The following HS1BP3 variants were observed in gnomAD, a reference collection of about 807,000 sequenced individuals.
HS1BP3 encodes HCLS1 binding protein 3.
HS1BP3 carries 32 observed loss-of-function variants against 33.5 expected under a neutral mutation model. The observed-to-expected ratio is 0.95, with a 90% CI of 0.72 to 1.28. HS1BP3 has a LOEUF of 1.28. Ranked by LOEUF, HS1BP3 falls within the 50% of genes most tolerant of loss-of-function variation. The pLI, the probability that HS1BP3 is intolerant of heterozygous loss-of-function variation, is 0.00. For missense variants in HS1BP3, 486 were observed against 502.3 expected, an observed-to-expected ratio of 0.97 and a Z score of 0.31; for synonymous variants, 187 against 209.2, an observed-to-expected ratio of 0.89 and a Z score of 0.92.
At chr2:20,556,115 A>C (rs1038213967), downstream of HS1BP3, among the ~76,000 whole-genome samples, 1 of 152,214 alleles carries the variant, frequency 6.6e-6, no homozygotes, top group South Asian at 2.1e-4. Context: ...TTCTATTTCT[A>C]TTCTAGTACC....
chr2:20,582,108 TG>T (rs2149275995), intron 5 of HS1BP3, among the ~76,000 whole-genome samples: 1 of 152,352 alleles, frequency 6.6e-6, no homozygotes, highest in South Asian at 2.1e-4. Flanking sequence ...CAGATTCTGT[TG>T]GTTAGAAATA....
At position 20,619,954 on chromosome 2, in the gene HS1BP3, A is replaced by T. The variant is rs149695789; in HGVS notation, c.921-709T>A. 8.1e-3 allele frequency among the ~76,000 whole-genome samples: 1,241 copies of T among 152,328 alleles called. 10 individuals are homozygous for T. Among genetic ancestry groups the T allele is most frequent in the Non-Finnish European group, 0.013 (890 of 68,022 alleles). ...CTGAGGATGGCCTCGGCCAGGGCCCACCAAGACTCTGTCATGACCCCAGAC... is the reference window on the plus strand; with the variant it reads ...CTGAGGATGGCCTCGGCCAGGGCCCTCCAAGACTCTGTCATGACCCCAGAC... On this transcript the variant is annotated intron_variant, in intron 6 of 6. Coordinates refer to ENST00000304031, the MANE Select transcript of HS1BP3 (RefSeq NM_022460.4).
chr2:20,585,308 A>G (rs1693653558), intron 5 of HS1BP3, among the ~76,000 whole-genome samples: 1 of 152,228 alleles, frequency 6.6e-6, no homozygotes. Flanking sequence ...TAGTGTGGCC[A>G]TATGCCCCCA....
intron 3 of HS1BP3, among the ~76,000 whole-genome samples, chr2:20,595,835 C>A (rs903463169): frequency 1.3e-5 from 2 of 152,170 alleles, no homozygotes; most frequent in African/African-American, 4.8e-5. Context: ...GGGGAGCAGG[C>A]CTCTTGGGGC....
downstream of HS1BP3, among the ~76,000 whole-genome samples, chr2:20,589,721 G>A (rs1417504471): frequency 6.6e-6 from 1 of 152,180 alleles, no homozygotes; most frequent in Non-Finnish European, 1.5e-5. Context: ...AGGCAGTGAG[G>A]CATGGACCAG....
At chr2:20,566,903 G>A (rs1693142823) in intron 5 of HS1BP3, among the ~76,000 whole-genome samples, 1 of 152,050 alleles carries the variant, frequency 6.6e-6, no homozygotes, top group African/African-American at 2.4e-5. Context: ...CACCAAGGCT[G>A]GCCCCCCACA....
chr2:20,558,114 G>C (rs1170001772), downstream of HS1BP3, among the ~76,000 whole-genome samples: 1 of 152,212 alleles, frequency 6.6e-6, no homozygotes, highest in Non-Finnish European at 1.5e-5. Context: ...TTAGTTGAGC[G>C]GGTTGCTTTC....
At position 20,641,104 on chromosome 2, in the gene HS1BP3, G is replaced by T. The variant is rs77941615; in HGVS notation, c.275C>A (p.Pro92Gln). The T allele has an allele frequency of 3.8e-5, 62 of 1,613,316 alleles. No homozygotes were observed. The highest frequency in any genetic ancestry group is 3.3e-4 in the Middle Eastern group (2 of 6,084). ...AACAAACAGGACCTTCCTGGGTAGTGGGGGGAGGCTGGCTGCTGCATAACG... is the reference window on the plus strand; with the variant it reads ...AACAAACAGGACCTTCCTGGGTAGTTGGGGGAGGCTGGCTGCTGCATAACG... ...SSRYAAASLPPLPRKVLFVGE... is the reference protein window; with the variant it reads ...SSRYAAASLPQLPRKVLFVGE... The change falls in exon 3 of 7, where the codon CCA becomes CAA. Residue 92 changes from proline to glutamine, a missense_variant. Pro to Gln is a moderately conservative substitution (Grantham distance 76, BLOSUM62 -1). Coordinates refer to ENST00000304031, the MANE Select transcript of HS1BP3 (RefSeq NM_022460.4).
At chr2:20,622,089 T>C (rs529485103) in intron 6 of HS1BP3, 2 of 848,530 alleles carry the variant, frequency 2.4e-6, no homozygotes, top group African/African-American at 2.0e-5. Context: ...AACAAAGCCT[T>C]CTTAGCCTCG....
intron 5 of HS1BP3, among the ~76,000 whole-genome samples, chr2:20,562,728 G>A (rs141084496): frequency 6.6e-6 from 1 of 152,276 alleles, no homozygotes; most frequent in East Asian, 1.9e-4. Context: ...GTCTCCAGGG[G>A]GATAGTGTCA....
chr2:20,583,865 A>T (rs531545148), intron 5 of HS1BP3, among the ~76,000 whole-genome samples: 1 of 152,290 alleles, frequency 6.6e-6, no homozygotes, highest in African/African-American at 2.4e-5. Flanking sequence ...CCTGGAAGGA[A>T]GGTCACTCCT....
intron 2 of HS1BP3, among the ~76,000 whole-genome samples, chr2:20,643,561 C>T (rs1695425147): frequency 6.6e-6 from 1 of 152,174 alleles, no homozygotes; most frequent in Non-Finnish European, 1.5e-5. Flanking sequence ...GAGTCGGCCA[C>T]AGGAGCAATC....
chr2:20,601,261 T>C (rs930183045), intron 2 of HS1BP3, among the ~76,000 whole-genome samples: 3 of 152,242 alleles, frequency 2.0e-5, no homozygotes, highest in Admixed American at 2.0e-4. Context: ...GTATCTAGAC[T>C]TGCTTTTTAT....
intron 5 of HS1BP3, among the ~76,000 whole-genome samples, chr2:20,573,418 C>CT (rs959690509): frequency 6.6e-6 from 1 of 152,204 alleles, no homozygotes; most frequent in Non-Finnish European, 1.5e-5. Context: ...CTTTGAGTCT[C>CT]TTTGTTACTT....
downstream of HS1BP3, among the ~76,000 whole-genome samples, chr2:20,588,547 C>T (rs13424119): frequency 0.054 from 8,287 of 152,164 alleles, 215 homozygotes; most frequent in South Asian, 0.07. Context: ...CTCGAATTCC[C>T]GACCTGAAGT....
chr2:20,636,620 A>G (rs1308478673), intron 4 of HS1BP3: 1 of 152,216 alleles, frequency 6.6e-6, no homozygotes, highest in African/African-American at 2.4e-5. Context: ...TTGAAATAGA[A>G]TAGAAAATAT....
rs72782389 is a variant in HS1BP3, at chr2:20,618,421, C to T, written c.*566G>A. On this transcript the variant is annotated 3_prime_UTR_variant, in exon 7 of 7. Coordinates refer to ENST00000304031, the MANE Select transcript of HS1BP3 (RefSeq NM_022460.4). Reference sequence around the variant, plus strand: ...AGACCCTGCAGGCCCCTGGCAGCCACGAGGAGCAGAGGCCCTGGAGTAATT... The same window carrying T: ...AGACCCTGCAGGCCCCTGGCAGCCATGAGGAGCAGAGGCCCTGGAGTAATT... 7,779 of 153,634 alleles carry T rather than the reference C, an allele frequency of 0.051. 211 individuals carry two copies. The highest frequency in any genetic ancestry group is 0.092 in the Middle Eastern group (29 of 314). The allele number at this position is 153,634 out of a possible 1,614,324, so 9.5% of individuals were successfully genotyped here.
At chr2:20,568,747 G>C (rs1317662574) in intron 5 of HS1BP3, among the ~76,000 whole-genome samples, 2 of 152,142 alleles carry the variant, frequency 1.3e-5, no homozygotes, top group Non-Finnish European at 2.9e-5. Flanking sequence ...CCCTGTGTTG[G>C]GGACAGGATG....
In HS1BP3 at chr2:20,646,802, C is replaced by T. The variant is rs116536844; in HGVS notation, c.33-1297G>A. 9.0e-3 allele frequency among the ~76,000 whole-genome samples: 1,375 copies of T among 152,336 alleles called. 30 individuals carry two copies. The highest frequency in any genetic ancestry group is 0.032 in the African/African-American group (1,324 of 41,562). ...GGTGAGGCTGGATGCTGAGGGGAGA[C>T]GCGCTGGGCTCTAGGGATGCACCTG... On this transcript the variant is annotated intron_variant, in intron 1 of 6. Coordinates refer to ENST00000304031, the MANE Select transcript of HS1BP3 (RefSeq NM_022460.4).
Sources: gnomAD v4.1 joint callset for allele counts (sites outside exome capture counted in the v4.1 genomes callset) on GRCh38, gnomAD v4.1.1 for gene constraint, MANE v1.5 for transcripts, NCBI Gene and HGNC (gene_info 2026-07-23, HGNC 2026-07-21) for gene names.